The following CDH12 variants were observed in gnomAD, a reference collection of about 807,000 sequenced individuals.
The protein encoded by CDH12 is cadherin 12, also known as cadherin-12.
A neutral mutation model predicts 74.1 loss-of-function variants in CDH12; 41 were observed. The observed-to-expected ratio is 0.55, with a 90% CI of 0.43 to 0.72. The LOEUF (loss-of-function observed/expected upper bound fraction) is 0.72. Among genes scored for constraint, CDH12 ranks in the 30% least tolerant of loss-of-function variants. CDH12 has a pLI of 0.00. For missense variants in CDH12, 945 were observed against 977.2 expected, an observed-to-expected ratio of 0.97 and a Z score of 0.44; for synonymous variants, 399 against 355.0, an observed-to-expected ratio of 1.12 and a Z score of -1.39.
intron 1 of CDH12, among the ~76,000 whole-genome samples, chr5:22,840,504 T>A (rs1451620948): frequency 6.7e-6 from 1 of 150,142 alleles, no homozygotes; most frequent in Admixed American, 6.7e-5. Flanking sequence ...GATTTATATA[T>A]ATTATATATT....
At chr5:22,110,935 G>A (rs1744775750) in intron 4 of CDH12, among the ~76,000 whole-genome samples, 1 of 152,258 alleles carries the variant, frequency 6.6e-6, no homozygotes, top group East Asian at 1.9e-4. Flanking sequence ...TGAAGGCTAA[G>A]GGCAAGAGAG....
chr5:22,024,565 T>C lies in CDH12; in HGVS notation c.232-49180A>G, dbSNP rs989926679. ...TCTCACTCTGTCACCCAGGCTGGAG[T>C]ACAGTGGTGTGATCTCAGTTCACTG... On this transcript the variant is annotated intron_variant, in intron 5 of 14. Coordinates refer to ENST00000382254, the MANE Select transcript of CDH12 (RefSeq NM_004061.5). 3.3e-5 allele frequency among the ~76,000 whole-genome samples: 5 copies of C among 152,256 alleles called. No individual in the cohort carries two copies. In the South Asian group the frequency reaches 1.0e-3, roughly 32 times the overall value.
At chr5:21,969,246 T>C (rs1344663474) in intron 6 of CDH12, among the ~76,000 whole-genome samples, 1 of 151,898 alleles carries the variant, frequency 6.6e-6, no homozygotes, top group Non-Finnish European at 1.5e-5. Flanking sequence ...CTATAGTGGG[T>C]TGAAAATTTT....
chr5:22,182,361 T>C (rs1342123082), intron 4 of CDH12, among the ~76,000 whole-genome samples: 4 of 152,214 alleles, frequency 2.6e-5, no homozygotes, highest in Non-Finnish European at 5.9e-5. Flanking sequence ...GGTGTTGTAA[T>C]TGTACCTTTG....
chr5:22,166,234 G>A (rs571615200), intron 4 of CDH12, among the ~76,000 whole-genome samples: 72 of 152,216 alleles, frequency 4.7e-4, no homozygotes, highest in Non-Finnish European at 8.4e-4. Flanking sequence ...GATATGCAAG[G>A]ATATTTATCT....
At chr5:21,960,302 C>G (rs1756298485) in intron 6 of CDH12, among the ~76,000 whole-genome samples, 1 of 152,110 alleles carries the variant, frequency 6.6e-6, no homozygotes, top group African/African-American at 2.4e-5. Flanking sequence ...TTTCAGTGGT[C>G]CATATGTAAG....
chr5:21,880,609 T>TCTCTCTC (rs1752246958), intron 6 of CDH12, among the ~76,000 whole-genome samples: 1 of 83,734 alleles, frequency 1.2e-5, no homozygotes, highest in African/African-American at 4.6e-5. Flanking sequence ...CCTTCCTTCC[T>TCTCTCTC]TCCTTCCTTC....
intron 4 of CDH12, among the ~76,000 whole-genome samples, chr5:22,081,866 G>A (rs1190006360): frequency 6.6e-6 from 1 of 152,196 alleles, no homozygotes; most frequent in African/African-American, 2.4e-5. Flanking sequence ...TGTTGATTGT[G>A]CTAGAATATG....
At chr5:21,871,558 C>T (rs1357627224) in intron 6 of CDH12, among the ~76,000 whole-genome samples, 1 of 151,972 alleles carries the variant, frequency 6.6e-6, no homozygotes, top group Non-Finnish European at 1.5e-5. Context: ...CATGGAGAAA[C>T]CCCTCTCTAC....
At chr5:21,954,329 T>C (rs1217691142) in intron 6 of CDH12, among the ~76,000 whole-genome samples, 2 of 151,960 alleles carry the variant, frequency 1.3e-5, no homozygotes, top group Non-Finnish European at 2.9e-5. Context: ...CTTCTCTGTG[T>C]ATGTGTATCT....
intron 5 of CDH12, among the ~76,000 whole-genome samples, chr5:22,040,043 G>A (rs1739459383): frequency 6.6e-6 from 1 of 151,720 alleles, no homozygotes; most frequent in Non-Finnish European, 1.5e-5. Context: ...AGGAATCTCA[G>A]TGAGATACAA....
intron 3 of CDH12, among the ~76,000 whole-genome samples, chr5:22,303,568 C>G (rs1019996443): frequency 6.6e-6 from 1 of 151,942 alleles, no homozygotes; most frequent in African/African-American, 2.4e-5. Context: ...ATTGATATCA[C>G]AATTTCTACA....
At chr5:22,199,552 C>A (rs1750806426) in intron 4 of CDH12, among the ~76,000 whole-genome samples, 1 of 152,300 alleles carries the variant, frequency 6.6e-6, no homozygotes. Context: ...CTGAGTTCCT[C>A]TTTTCATGCC....
At chr5:22,412,859 T>C (rs1330436873) in intron 2 of CDH12, among the ~76,000 whole-genome samples, 1 of 151,988 alleles carries the variant, frequency 6.6e-6, no homozygotes, top group Non-Finnish European at 1.5e-5. Context: ...TTCTGCTCCA[T>C]CTGTAATTCA....
chr5:21,905,470 G>T (rs145117976), intron 6 of CDH12, among the ~76,000 whole-genome samples: 2 of 152,136 alleles, frequency 1.3e-5, no homozygotes, highest in African/African-American at 4.8e-5. Flanking sequence ...TTTCCTCAGT[G>T]ATACATTGGA....
At chr5:22,818,806 A>C (rs1447390130) in intron 1 of CDH12, among the ~76,000 whole-genome samples, 5 of 152,146 alleles carry the variant, frequency 3.3e-5, no homozygotes, top group African/African-American at 1.2e-4. Context: ...TAGAAAAGGA[A>C]ATCCATTGGT....
intron 1 of CDH12, among the ~76,000 whole-genome samples, chr5:22,559,306 G>A (rs1442132057): frequency 6.6e-6 from 1 of 151,942 alleles, no homozygotes; most frequent in African/African-American, 2.4e-5. Context: ...CTGAATCCCT[G>A]TACACTTAAA....
rs67115449 is a variant in CDH12 at position 22,138,845 on chromosome 5, A to AATATATATATATATATATATATATAT, written c.-186-60009_-186-59984dup. 1.2e-3 allele frequency among the ~76,000 whole-genome samples: 95 copies of AATATATATATATATATATATATATAT among 76,536 alleles called. 3 individuals carry two copies. Among genetic ancestry groups the AATATATATATATATATATATATATAT allele is most frequent in the Admixed American group, 1.9e-3 (11 of 5,866 alleles). 50.2% of individuals were successfully genotyped at this position (76,536 alleles called of 152,430 possible). ...AATATATATGTGTACATATATACGTAATATATATATATATATATATATATA... is the reference window on the plus strand; with the variant it reads ...AATATATATGTGTACATATATACGTAATATATATATATATATATATATATATATATATATATATATATATATATATA... On this transcript the variant is annotated intron_variant, in intron 4 of 14. Coordinates refer to ENST00000382254, the MANE Select transcript of CDH12 (RefSeq NM_004061.5).
At chr5:21,999,378 G>T (rs1410705488) in intron 5 of CDH12, among the ~76,000 whole-genome samples, 1 of 152,078 alleles carries the variant, frequency 6.6e-6, no homozygotes, top group Non-Finnish European at 1.5e-5. Context: ...GGGTCTAAAA[G>T]CAAATGAAAA....
Sources: allele counts gnomAD v4.1 joint callset (sites outside exome capture counted in the v4.1 genomes callset), GRCh38; gene constraint gnomAD v4.1.1; transcripts MANE v1.5; gene names NCBI Gene and HGNC (gene_info 2026-07-23, HGNC 2026-07-21).